Variants in NNT observed in about 807,000 individuals in gnomAD.
NNT encodes the protein NAD(P) transhydrogenase, mitochondrial.
In NNT, 50 loss-of-function variants were observed where a neutral mutation model predicts 104.8. That is an observed-to-expected ratio of 0.48 (90% CI 0.38 to 0.60). The LOEUF (loss-of-function observed/expected upper bound fraction) is 0.60, where lower values mean the gene tolerates loss of function less well. Ranked by LOEUF, NNT falls within the 20% of genes least tolerant of loss-of-function variation. NNT has a pLI of 0.00. For missense variants in NNT, 1,131 were observed against 1,330.7 expected (o/e 0.85, Z 2.33); for synonymous variants, 461 against 490.4 (o/e 0.94, Z 0.79).
chr5:43,656,617 C>G, intron 15 of NNT, 36 bp from the exon 16 acceptor site: 2 of 1,554,150 alleles, frequency 1.3e-6, no homozygotes, highest in Non-Finnish European at 1.7e-6. Context: ...TCTTACAACA[C>G]ATTCTGAATT....
intron 1 of NNT, among the ~76,000 whole-genome samples, chr5:43,608,260 G>A (rs1428706383): frequency 6.6e-6 from 1 of 152,184 alleles, no homozygotes; most frequent in African/African-American, 2.4e-5. Flanking sequence ...GAAGAGAAAG[G>A]TATGGAGGAT....
intron 20 of NNT, among the ~76,000 whole-genome samples, chr5:43,701,246 C>T (rs1292040784): frequency 6.6e-6 from 1 of 152,164 alleles, no homozygotes; most frequent in Non-Finnish European, 1.5e-5. Flanking sequence ...ACTCCCCATT[C>T]TGGTAGTCTC....
intron 7 of NNT, among the ~76,000 whole-genome samples, chr5:43,630,438 G>C (rs1203813688): frequency 1.3e-5 from 2 of 152,150 alleles, no homozygotes; most frequent in African/African-American, 4.8e-5. Context: ...TTCTATATAT[G>C]TGAGAGAGAG....
At position 43,704,248 on chromosome 5, in the gene NNT, T is replaced by C; in HGVS notation, c.3112-7T>C. 7.1e-6 allele frequency: 11 copies of C among 1,551,868 alleles called. No individual in the cohort carries two copies. Among genetic ancestry groups the C allele is most frequent in the Non-Finnish European group, 8.7e-6 (10 of 1,155,012 alleles). On this transcript the variant is annotated splice_polypyrimidine_tract_variant and splice_region_variant and intron_variant, in intron 21 of 21. Transcript: ENST00000344920. ...ATACACTCTCTCATTTAATCTCTGG[T>C]TCTCAGGTGATTGTTATGAAGAGGT...
At chr5:43,607,858 C>T (rs1378848102) in intron 1 of NNT, among the ~76,000 whole-genome samples, 1 of 152,172 alleles carries the variant, frequency 6.6e-6, no homozygotes, top group Non-Finnish European at 1.5e-5. Context: ...CCACATGATA[C>T]AGCAGAACTT....
intron 17 of NNT, among the ~76,000 whole-genome samples, chr5:43,671,252 G>A (rs1283997271): frequency 6.6e-6 from 1 of 152,150 alleles, no homozygotes; most frequent in African/African-American, 2.4e-5. Context: ...GCCAGTCTGT[G>A]TCTTTTAATT....
At chr5:43,646,318 T>C (rs1015761365) in intron 10 of NNT, among the ~76,000 whole-genome samples, 7 of 152,110 alleles carry the variant, frequency 4.6e-5, no homozygotes, top group African/African-American at 1.4e-4. Flanking sequence ...CAGAATCTTT[T>C]TTTGTTGCTC....
At chr5:43,608,794 T>C (rs1749354955) in intron 1 of NNT, among the ~76,000 whole-genome samples, 1 of 152,210 alleles carries the variant, frequency 6.6e-6, no homozygotes, top group African/African-American at 2.4e-5. Context: ...AAGATAACTT[T>C]CATGTAAGAT....
intron 6 of NNT, among the ~76,000 whole-genome samples, chr5:43,624,618 CT>C (rs777424878): frequency 2.1e-4 from 32 of 152,108 alleles, no homozygotes; most frequent in Non-Finnish European, 4.3e-4. Flanking sequence ...ATATATTTTT[CT>C]GATAATTTTT....
chr5:43,646,863 A>G (rs1242519403), intron 10 of NNT, among the ~76,000 whole-genome samples: 1 of 152,204 alleles, frequency 6.6e-6, no homozygotes, highest in East Asian at 1.9e-4. Flanking sequence ...AATTTAACAT[A>G]AATTCTTTTT....
intron 12 of NNT, among the ~76,000 whole-genome samples, chr5:43,651,261 A>G (rs1739743146): frequency 1.3e-5 from 2 of 152,006 alleles, no homozygotes; most frequent in African/African-American, 4.8e-5. Context: ...TCTCTAATGG[A>G]ACTGGCTTGA....
At chr5:43,688,331 C>T (rs1239538002) in intron 19 of NNT, among the ~76,000 whole-genome samples, 1 of 152,066 alleles carries the variant, frequency 6.6e-6, no homozygotes, top group African/African-American at 2.4e-5. Flanking sequence ...GTAGCCCCCC[C>T]ACCAAGGAAA....
chr5:43,640,555 C>T (rs1419962091), intron 7 of NNT, among the ~76,000 whole-genome samples: 1 of 151,978 alleles, frequency 6.6e-6, no homozygotes, highest in African/African-American at 2.4e-5. Context: ...TTTATTTTAT[C>T]TTTAAAATAA....
intron 20 of NNT, among the ~76,000 whole-genome samples, chr5:43,702,045 T>C (rs1742876846): frequency 6.6e-6 from 1 of 152,198 alleles, no homozygotes; most frequent in East Asian, 1.9e-4. Context: ...GAATATTTTC[T>C]CTCATTCTGT....
chr5:43,700,032 A>G, intron 19 of NNT, 87 bp from the exon 20 acceptor site: 6 of 965,440 alleles, frequency 6.2e-6, no homozygotes, highest in Non-Finnish European at 9.5e-6. Flanking sequence ...GCCAAGAACA[A>G]AGTGTGCAGA....
At chr5:43,613,281 G>A (rs554103238) in intron 3 of NNT, 144 bp downstream of exon 3, 50 of 630,276 alleles carry the variant, frequency 7.9e-5, no homozygotes, top group Admixed American at 1.9e-4. Flanking sequence ...ACTGCATGTC[G>A]TCATATTCTT....
chr5:43,612,251 T>C (rs1749539729), intron 2 of NNT, among the ~76,000 whole-genome samples: 1 of 152,242 alleles, frequency 6.6e-6, no homozygotes, highest in Non-Finnish European at 1.5e-5. Flanking sequence ...GAGTAGTCAC[T>C]GGCCAACATA....
chr5:43,648,081 C>T, intron 10 of NNT: 14 of 1,221,028 alleles, frequency 1.1e-5, no homozygotes, highest in Non-Finnish European at 1.4e-5. Flanking sequence ...CCCTATGCAA[C>T]TTCTCTAATT....
chr5:43,662,089 T>C (rs1740399551), intron 17 of NNT, among the ~76,000 whole-genome samples: 1 of 152,220 alleles, frequency 6.6e-6, no homozygotes, highest in Admixed American at 6.5e-5. Context: ...TGTTTCTAGT[T>C]CTTGAAATGT....
Sources: gnomAD v4.1 joint callset for allele counts (sites outside exome capture counted in the v4.1 genomes callset) on GRCh38, gnomAD v4.1.1 for gene constraint, MANE v1.5 for transcripts, NCBI Gene and HGNC (gene_info 2026-07-23, HGNC 2026-07-21) for gene names.